CNTLN: variants seen among roughly 807,000 people sequenced by gnomAD.
The protein encoded by CNTLN is centlein, centrosomal protein.
A neutral mutation model predicts 180.0 loss-of-function variants in CNTLN; 212 were observed. The observed-to-expected ratio is 1.18, with a 90% CI of 1.05 to 1.32. CNTLN has a LOEUF of 1.32. CNTLN is among the 40% of genes most tolerant of loss of function. The pLI is 0.00. For missense variants in CNTLN, 2,095 were observed against 1,610.9 expected (o/e 1.30, Z -5.14); for synonymous variants, 722 against 563.1 (o/e 1.28, Z -3.99).
At chr9:17,340,451 C>A (rs1344502154) in intron 10 of CNTLN, among the ~76,000 whole-genome samples, 3 of 152,112 alleles carry the variant, frequency 2.0e-5, no homozygotes, top group African/African-American at 4.8e-5. Flanking sequence ...ATTATATTTG[C>A]ACTTTAATAA....
intron 12 of CNTLN, among the ~76,000 whole-genome samples, chr9:17,361,199 T>C (rs1342011291): frequency 6.6e-6 from 1 of 152,298 alleles, no homozygotes; most frequent in East Asian, 1.9e-4. Context: ...CTCCTAATGC[T>C]ATCCCTCCCC....
In CNTLN at chr9:17,451,028, C is replaced by T. The variant is rs16935651; in HGVS notation, c.3115-6496C>T. Among the ~76,000 whole-genome samples, 1,609 of 152,148 alleles carry T rather than the reference C, an allele frequency of 0.011. 112 individuals are homozygous for T. The East Asian group carries it at 0.21, about 19-fold the overall frequency. On this transcript the variant is annotated intron_variant, in intron 18 of 25. Coordinates refer to ENST00000380647, the MANE Select transcript of CNTLN (RefSeq NM_017738.4). Reference sequence around the variant, plus strand: ...ATGACATAGAAAATGATAGCATTGTCTTGATAACTCATACATTTGAATTGA... The same window carrying T: ...ATGACATAGAAAATGATAGCATTGTTTTGATAACTCATACATTTGAATTGA...
chr9:17,362,601 C>T (rs1823487773), intron 12 of CNTLN, among the ~76,000 whole-genome samples: 1 of 152,002 alleles, frequency 6.6e-6, no homozygotes, highest in African/African-American at 2.4e-5. Flanking sequence ...ATAATTATAA[C>T]AATAATTACA....
intron 15 of CNTLN, among the ~76,000 whole-genome samples, chr9:17,404,624 C>T (rs996993462): frequency 2.6e-5 from 4 of 151,798 alleles, no homozygotes; most frequent in African/African-American, 4.9e-5. Flanking sequence ...CCTGTTAGTA[C>T]TCCTTTACCT....
the CNTLN span, among the ~76,000 whole-genome samples, chr9:17,518,259 G>C: frequency 6.6e-6 from 1 of 151,742 alleles, no homozygotes; most frequent in South Asian, 2.1e-4. Context: ...ATGTTTGCCA[G>C]GCTGGTCTTG....
rs751610763 is a variant in CNTLN at position 17,457,625 on chromosome 9, C to T, written c.3216C>T (p.Ser1072=). 6.4e-7 allele frequency: 1 copy of T among 1,563,906 alleles called. No homozygotes were observed. The highest frequency in any genetic ancestry group is 1.2e-5 in the South Asian group (1 of 83,434). ...TCACAAGTTTGGCAGAAGAAAATTCCCAGGTAACATTTCCACGGATACAAG... is the reference window on the plus strand; with the variant it reads ...TCACAAGTTTGGCAGAAGAAAATTCTCAGGTAACATTTCCACGGATACAAG... ...SEITSLAEEN[S]QVTFPRIQVT... The change falls in exon 19 of 26, where the codon TCC becomes TCT. Residue 1072 remains serine, a synonymous_variant. Coordinates refer to ENST00000380647, the MANE Select transcript of CNTLN (RefSeq NM_017738.4).
intron 19 of CNTLN, among the ~76,000 whole-genome samples, chr9:17,460,477 C>A (rs571464706): frequency 6.6e-6 from 1 of 151,698 alleles, no homozygotes; most frequent in South Asian, 2.1e-4. Context: ...GACAAAGGAG[C>A]TGGGTTTCGA....
At chr9:17,157,798 G>A (rs755231301) in intron 2 of CNTLN, among the ~76,000 whole-genome samples, 2 of 152,116 alleles carry the variant, frequency 1.3e-5, no homozygotes, top group Non-Finnish European at 2.9e-5. Flanking sequence ...GAAAATGATC[G>A]CTTATCAGTA....
chr9:17,350,307 T>G (rs1389749652), intron 12 of CNTLN, among the ~76,000 whole-genome samples: 1 of 152,212 alleles, frequency 6.6e-6, no homozygotes, highest in African/African-American at 2.4e-5. Flanking sequence ...CTTGGCTAAG[T>G]AAATCAGAAA....
chr9:17,270,877 G>C (rs1827886445), intron 5 of CNTLN, among the ~76,000 whole-genome samples: 1 of 151,262 alleles, frequency 6.6e-6, no homozygotes. Flanking sequence ...ACAAGATATA[G>C]TGGGAAACAA....
rs1826237352 is a variant in CNTLN, at chr9:17,393,150, G to GAGAT, written c.2080-1382_2080-1381insATAG. On this transcript the variant is annotated intron_variant, in intron 14 of 25. Transcript: ENST00000380647. ...TTGCTGTGTCCTCACATGGTCTAAG[G>GAGAT]AGCTAGCTAGCTTCTGGGGTCTCTT... Among the ~76,000 whole-genome samples, 11 of 152,138 alleles carry GAGAT rather than the reference G, an allele frequency of 7.2e-5. No homozygotes were observed. The South Asian group carries it at 2.3e-3, about 32-fold the overall frequency.
At chr9:17,177,850 C>A (rs943110271) in intron 2 of CNTLN, among the ~76,000 whole-genome samples, 3 of 152,110 alleles carry the variant, frequency 2.0e-5, no homozygotes, top group Non-Finnish European at 4.4e-5. Context: ...TGGAAGGGGA[C>A]CTGAATGGGT....
At chr9:17,388,067 C>G (rs2133659821) in intron 13 of CNTLN, 95 bp from the exon 14 acceptor site, 1 of 672,044 alleles carries the variant, frequency 1.5e-6, no homozygotes, top group East Asian at 2.8e-5. Flanking sequence ...AGATTATTCA[C>G]AGTTGAAAAA....
chr9:17,203,030 G>C (rs1479399469), intron 2 of CNTLN, among the ~76,000 whole-genome samples: 1 of 149,948 alleles, frequency 6.7e-6, no homozygotes, highest in Non-Finnish European at 1.5e-5. Flanking sequence ...AGGCAGGCCT[G>C]GTGGTGACAG....
chr9:17,152,456 GT>G (rs1818957471), intron 2 of CNTLN, among the ~76,000 whole-genome samples: 1 of 152,176 alleles, frequency 6.6e-6, no homozygotes, highest in African/African-American at 2.4e-5. Flanking sequence ...CGGTTTCCAT[GT>G]ATTTGTGCAG....
At chr9:17,511,422 G>A in the CNTLN span, among the ~76,000 whole-genome samples, 1 of 152,128 alleles carries the variant, frequency 6.6e-6, no homozygotes, top group Non-Finnish European at 1.5e-5. Flanking sequence ...TGGGTCCTCT[G>A]ACACTGGATC....
At chr9:17,270,400 G>T (rs1046279099) in intron 5 of CNTLN, among the ~76,000 whole-genome samples, 1 of 151,974 alleles carries the variant, frequency 6.6e-6, no homozygotes, top group Non-Finnish European at 1.5e-5. Flanking sequence ...ATCTCTTAAT[G>T]TGGTAAATTA....
chr9:17,171,162 T>C (rs1411925237), intron 2 of CNTLN, among the ~76,000 whole-genome samples: 3 of 152,210 alleles, frequency 2.0e-5, no homozygotes, highest in Non-Finnish European at 2.9e-5. Context: ...ATCTTTGGGA[T>C]TGGTTACTGG....
chr9:17,163,286 G>T (rs1053067422), intron 2 of CNTLN, among the ~76,000 whole-genome samples: 1 of 152,114 alleles, frequency 6.6e-6, no homozygotes, highest in East Asian at 1.9e-4. Context: ...TGGGGACACA[G>T]CCAAACCATA....
Sources: allele counts gnomAD v4.1 joint callset (sites outside exome capture counted in the v4.1 genomes callset), GRCh38; gene constraint gnomAD v4.1.1; transcripts MANE v1.5; gene names NCBI Gene and HGNC (gene_info 2026-07-23, HGNC 2026-07-21).